Variants in FBXO21 observed in about 807,000 individuals in gnomAD.
FBXO21 encodes F-box only protein 21.
A neutral mutation model predicts 76.6 loss-of-function variants in FBXO21; 32 were observed. The ratio of observed to expected loss-of-function variants is 0.42; its 90% CI spans 0.32 to 0.56. The LOEUF (loss-of-function observed/expected upper bound fraction) is 0.56. Among genes scored for constraint, FBXO21 ranks in the 20% least tolerant of loss-of-function variants. The pLI is 0.16. For missense variants in FBXO21, 586 were observed against 797.3 expected, an observed-to-expected ratio of 0.73 and a Z score of 3.19; for synonymous variants, 328 against 311.5, an observed-to-expected ratio of 1.05 and a Z score of -0.56.
At chr12:117,166,873 T>C (rs1956059214) in intron 8 of FBXO21, 25 bp downstream of exon 8, 1 of 1,606,724 alleles carries the variant, frequency 6.2e-7, no homozygotes, top group East Asian at 2.2e-5. Context: ...TCTGCAGAAG[T>C]ACTAGAAAAC....
Position 117,159,310 on chromosome 12 carries a change from GA to G in FBXO21, c.1327-1248del, listed in dbSNP as rs10655877. On this transcript the variant is annotated intron_variant, in intron 9 of 11. Transcript: ENST00000622495. ...ATCTTCAAATTGGGAGGATTAGGTGGAAAAAAAAAAAAAGCTTTTAATCACT... is the reference window on the plus strand; with the variant it reads ...ATCTTCAAATTGGGAGGATTAGGTGGAAAAAAAAAAAAGCTTTTAATCACT... 3.0e-3 allele frequency among the ~76,000 whole-genome samples: 435 copies of G among 142,972 alleles called. 8 individuals carry two copies. In the South Asian group the frequency reaches 0.062, roughly 20 times the overall value. 93.8% of individuals were successfully genotyped at this position (142,972 alleles called of 152,430 possible).
At chr12:117,165,359 T>G in intron 9 of FBXO21, 126 bp downstream of exon 9, 1 of 1,014,420 alleles carries the variant, frequency 9.9e-7, no homozygotes, top group East Asian at 2.4e-5. Flanking sequence ...TGGGTTATGA[T>G]TGGGAGACTG....
Position 117,174,673 on chromosome 12 carries a change from G to T in FBXO21, c.717C>A (p.His239Gln). Reference sequence around the variant, plus strand: ...CACCTGCCTTGAAGGCCAAGCTGGGGTGGCGACTGTTTATGCCCCGAAGGG... The same window carrying T: ...CACCTGCCTTGAAGGCCAAGCTGGGTTGGCGACTGTTTATGCCCCGAAGGG... ...CKTLRGINSRHPSLAFKAGES... is the reference protein window; with the variant it reads ...CKTLRGINSRQPSLAFKAGES... The change falls in exon 5 of 12, where the codon CAC (histidine) becomes CAA (glutamine). Residue 239 changes from histidine to glutamine, a missense_variant. His to Gln is a conservative substitution (Grantham distance 24). Around this residue, in one of 6 missense-constraint regions of FBXO21, gnomAD observed 246 missense variants for 356.8 expected, o/e 0.69. Transcript: ENST00000622495. 6.2e-7 allele frequency: 1 copy of T among 1,614,198 alleles called. No homozygotes were observed. The highest frequency in any genetic ancestry group is 8.5e-7 in the Non-Finnish European group (1 of 1,180,038).
At position 117,174,689 on chromosome 12, in the gene FBXO21, C is replaced by A; in HGVS notation, c.701G>T (p.Gly234Val). 1 of 1,614,146 alleles carries A rather than the reference C, an allele frequency of 6.2e-7. No individual in the cohort carries two copies. Among genetic ancestry groups the A allele is most frequent in the Non-Finnish European group, 8.5e-7 (1 of 1,180,028 alleles). Residue 234 changes from glycine to valine, a missense_variant, in exon 5 of 12, where the codon GGC becomes GTC. Physicochemically the swap from Gly to Val is moderately radical, Grantham distance 109. This residue lies in a region of FBXO21 where 246 missense variants were observed against 356.8 expected (regional missense o/e 0.69). Coordinates refer to ENST00000622495, the MANE Select transcript of FBXO21 (RefSeq NM_015002.3). ...CAAGCTGGGGTGGCGACTGTTTATG[C>A]CCCGAAGGGTTTTGCAAACAAGCTC... ...IVELVCKTLR[G>V]INSRHPSLAF...
chr12:117,161,660 G>A (rs1955978349), intron 9 of FBXO21, among the ~76,000 whole-genome samples: 1 of 152,148 alleles, frequency 6.6e-6, no homozygotes, highest in Non-Finnish European at 1.5e-5. Context: ...GGTGTAGCAG[G>A]TGTGTGGATA....
chr12:117,176,025 A>G (rs1440861425), intron 4 of FBXO21, among the ~76,000 whole-genome samples: 1 of 152,208 alleles, frequency 6.6e-6, no homozygotes, highest in East Asian at 1.9e-4. Context: ...GTGAGAATTT[A>G]TTTTAATCAA....
At chr12:117,150,040 G>A (rs1955820710) in intron 11 of FBXO21, among the ~76,000 whole-genome samples, 1 of 152,158 alleles carries the variant, frequency 6.6e-6, no homozygotes, top group African/African-American at 2.4e-5. Flanking sequence ...TGCATTTACT[G>A]GCCTGAGCTC....
chr12:117,151,721 A>G (rs1008691267), intron 11 of FBXO21, among the ~76,000 whole-genome samples: 1 of 152,172 alleles, frequency 6.6e-6, no homozygotes, highest in African/African-American at 2.4e-5. Flanking sequence ...AATCTATGGC[A>G]GAGACAAGGG....
At chr12:117,174,039 C>T (rs1566004317) in intron 6 of FBXO21, among the ~76,000 whole-genome samples, 166 bp downstream of exon 6, 1 of 151,898 alleles carries the variant, frequency 6.6e-6, no homozygotes, top group Non-Finnish European at 1.5e-5. Context: ...CAGGAGGGTG[C>T]GGCGGCAAGA....
chr12:117,187,130 A>AGGC (rs1319121341), intron 2 of FBXO21, among the ~76,000 whole-genome samples: 106 of 151,394 alleles, frequency 7.0e-4, no homozygotes, highest in African/African-American at 2.5e-3. Flanking sequence ...AAAAATAAAA[A>AGGC]GGCGGCGGCG....
chr12:117,146,094 T>A lies in FBXO21; in HGVS notation c.1859A>T (p.Asp620Val), dbSNP rs772985333. 8 of 1,598,730 alleles carry A rather than the reference T, an allele frequency of 5.0e-6. No homozygotes were observed. The highest frequency in any genetic ancestry group is 1.3e-5 in the African/African-American group (1 of 74,258). The change falls in exon 12 of 12, where the codon GAT becomes GTT. Residue 620 changes from aspartate to valine, a missense_variant. Transcript: ENST00000622495. ...CAATGTCCTCTCTAGACTTTACTCA[T>A]CTATGTTCTCTTTCTTTGCACTGTA... ...NIYSAKKENI[D>V]E
At chr12:117,174,490 G>A in intron 5 of FBXO21, 149 bp from the exon 6 acceptor site, 2 of 1,198,966 alleles carry the variant, frequency 1.7e-6, no homozygotes. Context: ...GTATGTATTT[G>A]AAGTGTTTTA....
chr12:117,157,000 T>C (rs566389128), intron 10 of FBXO21, among the ~76,000 whole-genome samples: 1 of 152,128 alleles, frequency 6.6e-6, no homozygotes, highest in Admixed American at 6.5e-5. Context: ...CTGGCCAACA[T>C]GGTGAAACCC....
At chr12:117,161,701 G>A (rs1017990272) in intron 9 of FBXO21, among the ~76,000 whole-genome samples, 11 of 152,144 alleles carry the variant, frequency 7.2e-5, no homozygotes, top group African/African-American at 2.4e-4. Flanking sequence ...CCAGGCAGGG[G>A]TCCAGTGCTC....
At chr12:117,158,172 A>G (rs2135855427) in intron 9 of FBXO21, 109 bp from the exon 10 acceptor site, 1 of 1,317,884 alleles carries the variant, frequency 7.6e-7, no homozygotes, top group East Asian at 2.3e-5. Context: ...GCAAAGGACC[A>G]AAAGGGGTGG....
chr12:117,189,372 G>A lies in FBXO21; in HGVS notation c.240-10C>T. On this transcript the variant is annotated splice_polypyrimidine_tract_variant and intron_variant, in intron 1 of 11. Coordinates refer to ENST00000622495, the MANE Select transcript of FBXO21 (RefSeq NM_015002.3). ...CATAAGGGAAGGCCACCTACGAGGAGAGAAACACCCCCTCAGCTTAACAGA... is the reference window on the plus strand; with the variant it reads ...CATAAGGGAAGGCCACCTACGAGGAAAGAAACACCCCCTCAGCTTAACAGA... 6.2e-7 allele frequency: 1 copy of A among 1,614,136 alleles called. No individual in the cohort carries two copies. The highest frequency in any genetic ancestry group is 8.5e-7 in the Non-Finnish European group (1 of 1,180,000).
chr12:117,153,286 G>C (rs531108467), intron 11 of FBXO21, among the ~76,000 whole-genome samples: 6 of 152,284 alleles, frequency 3.9e-5, no homozygotes, highest in African/African-American at 1.2e-4. Flanking sequence ...AAGGGGAGAA[G>C]AGCAAGACAC....
chr12:117,166,808 A>G, intron 8 of FBXO21, 90 bp downstream of exon 8: 2 of 1,135,666 alleles, frequency 1.8e-6, no homozygotes, highest in Non-Finnish European at 2.6e-6. Flanking sequence ...AAAGATCTCA[A>G]CGAAAAGTCA....
chr12:117,174,281 T>C lies in FBXO21; in HGVS notation c.800A>G (p.Tyr267Cys). The C allele has an allele frequency of 6.2e-7, 1 of 1,613,684 alleles. No homozygotes were observed. The highest frequency in any genetic ancestry group is 8.5e-7 in the Non-Finnish European group (1 of 1,179,544). ...LQSQVLDAMN[Y>C]VLYDQLKFKG... ...GAACTTCAGTTGGTCGTAAAGGACATAGTTCATGGCATCCAGCACCTGGCT... is the reference window on the plus strand; with the variant it reads ...GAACTTCAGTTGGTCGTAAAGGACACAGTTCATGGCATCCAGCACCTGGCT... Residue 267 changes from tyrosine to cysteine, a missense_variant, in exon 6 of 12, where the codon TAT becomes TGT. Physicochemically the swap from Tyr to Cys is radical, Grantham distance 194 (BLOSUM62 -2). Transcript: ENST00000622495.
Sources: gnomAD v4.1 joint callset for allele counts (sites outside exome capture counted in the v4.1 genomes callset) on GRCh38, gnomAD v4.1.1 for gene constraint, gnomAD v4.1.1 regional missense constraint, MANE v1.5 for transcripts, NCBI Gene and HGNC (gene_info 2026-07-23, HGNC 2026-07-21) for gene names.